ASCC3: variants seen among roughly 807,000 people sequenced by gnomAD.
ASCC3 encodes ASC-1 complex subunit P200.
ASCC3 carries 158 observed loss-of-function variants against 256.3 expected under a neutral mutation model. The observed-to-expected ratio is 0.62, with a 90% confidence interval of 0.54 to 0.70. The LOEUF (loss-of-function observed/expected upper bound fraction) is 0.70, where lower values mean the gene tolerates loss of function less well. Ranked by LOEUF, ASCC3 falls within the 30% of genes least tolerant of loss-of-function variation. ASCC3 has a pLI of 0.00. For missense variants in ASCC3, 2,259 were observed against 2,626.0 expected (o/e 0.86, Z 3.05); for synonymous variants, 948 against 883.4 (o/e 1.07, Z -1.30).
At chr6:100,584,208 A>T (rs1183708845) in intron 36 of ASCC3, among the ~76,000 whole-genome samples, 1 of 150,794 alleles carries the variant, frequency 6.6e-6, no homozygotes, top group East Asian at 1.9e-4. Flanking sequence ...CCCATTATTA[A>T]TGTGTGGGAG....
intron 4 of ASCC3, among the ~76,000 whole-genome samples, chr6:100,827,856 A>C (rs1771398926): frequency 1.3e-5 from 2 of 151,950 alleles, no homozygotes; most frequent in Non-Finnish European, 2.9e-5. Flanking sequence ...TCTACTAAGC[A>C]TACACCATTA....
In ASCC3 at chr6:100,629,085, G is replaced by A; in HGVS notation, c.4305C>T (p.Ser1435=). 1.2e-6 allele frequency: 2 copies of A among 1,613,758 alleles called. No homozygotes were observed. Among genetic ancestry groups the A allele is most frequent in the African/African-American group, 1.3e-5 (1 of 74,990 alleles). The part of the protein sequence containing the change: ...VTTPEKWDGV[S]RSWQNRNYVQ... ...CATAGTTCCTATTTTGCCAGCTTCT[G>A]CTGACTCCATCCCACTTCTCTGGCG... Residue 1435 remains serine (S), a synonymous_variant, in exon 27 of 42, where the codon AGC becomes AGT. Transcript: ENST00000369162.
intron 30 of ASCC3, among the ~76,000 whole-genome samples, chr6:100,622,259 CAT>C (rs150106690): frequency 0.014 from 2,132 of 152,226 alleles, 39 homozygotes; most frequent in African/African-American, 0.049. Flanking sequence ...ATAATCCCCA[CAT>C]GTTACGGGAG....
At chr6:100,572,612 T>C (rs545244837) in intron 36 of ASCC3, among the ~76,000 whole-genome samples, 1 of 152,154 alleles carries the variant, frequency 6.6e-6, no homozygotes, top group Non-Finnish European at 1.5e-5. Context: ...AAAAGTAGTA[T>C]TATATATAAA....
At chr6:100,679,503 C>T in intron 14 of ASCC3, 115 bp downstream of exon 14, 1 of 1,466,566 alleles carries the variant, frequency 6.8e-7, no homozygotes, top group South Asian at 1.2e-5. Flanking sequence ...ATTATAACAT[C>T]ATAAATCTGC....
chr6:100,644,378 C>T (rs1226139967), intron 22 of ASCC3, among the ~76,000 whole-genome samples: 2 of 152,106 alleles, frequency 1.3e-5, no homozygotes, highest in Non-Finnish European at 2.9e-5. Flanking sequence ...GTAGTCACTA[C>T]CTTTTCCTTA....
intron 22 of ASCC3, 133 bp from the exon 23 acceptor site, chr6:100,644,262 GT>G: frequency 1.5e-6 from 1 of 679,026 alleles, no homozygotes; most frequent in Non-Finnish European, 2.6e-6. Context: ...AACATTTCAA[GT>G]ATACAGTTAA....
chr6:100,848,577 T>C lies in ASCC3; in HGVS notation c.372A>G (p.Ser124=), dbSNP rs1434079132. 3 of 1,614,026 alleles carry C rather than the reference T, an allele frequency of 1.9e-6. No individual in the cohort carries two copies. Among genetic ancestry groups the C allele is most frequent in the East Asian group, 2.2e-5 (1 of 44,886 alleles). Residue 124 remains serine, a synonymous_variant, in exon 4 of 42, where the codon TCA becomes TCG. Transcript: ENST00000369162. ...AIKQMFGPFP[S]SSATAACNAT... ...CATTACAAGCTGCAGTGGCAGATGA[T>C]GAAGGAAAGGGGCCAAACATCTGTT...
chr6:100,802,594 T>C (rs1769972507), intron 5 of ASCC3, among the ~76,000 whole-genome samples: 1 of 152,018 alleles, frequency 6.6e-6, no homozygotes, highest in East Asian at 1.9e-4. Flanking sequence ...CCTAATATTA[T>C]AAAATTTATG....
Position 100,521,036 on chromosome 6 carries a change from G to T in ASCC3, c.5776-2894C>A, listed in dbSNP as rs571131263. 3.2e-4 allele frequency among the ~76,000 whole-genome samples: 48 copies of T among 152,212 alleles called. 1 individual carries two copies. The South Asian group carries it at 9.5e-3, about 30-fold the overall frequency. ...TCTAGTCCCAGCACAGTGCACTCAA[G>T]AAATATTTATTAAATAATATAGGTA... is the stretch of plus-strand genomic sequence containing the variant. On this transcript the variant is annotated intron_variant, in intron 37 of 41. Coordinates refer to ENST00000369162, the MANE Select transcript of ASCC3 (RefSeq NM_006828.4).
intron 13 of ASCC3, among the ~76,000 whole-genome samples, chr6:100,703,222 G>T (rs560039429): frequency 1.3e-5 from 2 of 151,992 alleles, no homozygotes; most frequent in South Asian, 2.1e-4. Context: ...ATTTAAAAAC[G>T]TAAGAGGACA....
At position 100,798,703 on chromosome 6, in the gene ASCC3, C is replaced by T. The variant is rs1234706818; in HGVS notation, c.1395+10G>A. 1 of 1,611,710 alleles carries T rather than the reference C, an allele frequency of 6.2e-7. No homozygotes were observed. Among genetic ancestry groups the T allele is most frequent in the Non-Finnish European group, 8.5e-7 (1 of 1,179,268 alleles). On this transcript the variant is annotated intron_variant, in intron 8 of 41. Transcript: ENST00000369162. ...TCAAAACTATCAACTCTATAAAAGGCTCATCTCACCTCATCTAAGTCTTGG... is the reference window on the plus strand; with the variant it reads ...TCAAAACTATCAACTCTATAAAAGGTTCATCTCACCTCATCTAAGTCTTGG...
chr6:100,727,279 A>G (rs933460798), intron 10 of ASCC3, among the ~76,000 whole-genome samples: 6 of 152,030 alleles, frequency 3.9e-5, no homozygotes, highest in Admixed American at 3.9e-4. Flanking sequence ...AACAAGCCCT[A>G]TATCAAACAT....
intron 10 of ASCC3, among the ~76,000 whole-genome samples, chr6:100,738,279 A>G (rs1373958224): frequency 6.6e-6 from 1 of 152,204 alleles, no homozygotes; most frequent in Non-Finnish European, 1.5e-5. Flanking sequence ...CATTTTTGTC[A>G]TGAAATATTT....
chr6:100,518,676 T>G (rs1344881440), intron 37 of ASCC3, among the ~76,000 whole-genome samples: 1 of 152,138 alleles, frequency 6.6e-6, no homozygotes, highest in Non-Finnish European at 1.5e-5. Context: ...CTGCTAGTGG[T>G]ACATGTGGAA....
At chr6:100,626,906 T>C (rs1014810958) in intron 29 of ASCC3, among the ~76,000 whole-genome samples, 1 of 152,128 alleles carries the variant, frequency 6.6e-6, no homozygotes, top group Non-Finnish European at 1.5e-5. Flanking sequence ...TTTTGTACAA[T>C]GCTTCTGTGG....
intron 36 of ASCC3, among the ~76,000 whole-genome samples, chr6:100,578,550 A>G (rs1771008075): frequency 6.6e-6 from 1 of 152,068 alleles, no homozygotes; most frequent in African/African-American, 2.4e-5. Flanking sequence ...TTCACGTAGG[A>G]TTATGGCCTC....
At chr6:100,829,683 T>G (rs1333879786) in intron 4 of ASCC3, among the ~76,000 whole-genome samples, 7 of 152,078 alleles carry the variant, frequency 4.6e-5, no homozygotes, top group Admixed American at 3.9e-4. Context: ...GCCGCCAAAG[T>G]GGGAGCCCAG....
At chr6:100,540,537 C>A in intron 36 of ASCC3, 150 bp from the exon 37 acceptor site, 1 of 672,628 alleles carries the variant, frequency 1.5e-6, no homozygotes, top group South Asian at 1.8e-5. Flanking sequence ...ATCATTAATA[C>A]ACAAGCAATG....
Sources: gnomAD v4.1 joint callset for allele counts (sites outside exome capture counted in the v4.1 genomes callset) on GRCh38, gnomAD v4.1.1 for gene constraint, MANE v1.5 for transcripts, NCBI Gene and HGNC (gene_info 2026-07-23, HGNC 2026-07-21) for gene names.